DGKB: variants seen among roughly 807,000 people sequenced by gnomAD.
The protein encoded by DGKB is 90 kDa diacylglycerol kinase.
Under a neutral mutation model 114.3 loss-of-function variants are expected in DGKB, and 67 were observed. That is an observed-to-expected ratio of 0.59 (90% confidence interval 0.48 to 0.72). The LOEUF is 0.72. DGKB is among the 30% of genes least tolerant of loss of function. The pLI is 0.00. For missense variants in DGKB, 907 were observed against 975.2 expected, an observed-to-expected ratio of 0.93 and a Z score of 0.93; for synonymous variants, 398 against 323.1, an observed-to-expected ratio of 1.23 and a Z score of -2.49.
intron 23 of DGKB, among the ~76,000 whole-genome samples, chr7:14,228,882 T>C (rs1791258712): frequency 1.5e-5 from 1 of 67,718 alleles, no homozygotes; most frequent in Non-Finnish European, 2.4e-5. Context: ...TCAGTTTTTT[T>C]TCTGTGTGTG....
At chr7:14,519,855 G>C (rs986182640) in intron 20 of DGKB, among the ~76,000 whole-genome samples, 1 of 151,688 alleles carries the variant, frequency 6.6e-6, no homozygotes, top group Non-Finnish European at 1.5e-5. Flanking sequence ...AAAATCTTTT[G>C]TGAAATGTCT....
At chr7:14,947,881 A>C (rs1785969227) in intron 1 of DGKB, among the ~76,000 whole-genome samples, 1 of 151,636 alleles carries the variant, frequency 6.6e-6, no homozygotes, top group Non-Finnish European at 1.5e-5. Context: ...ATTCTTTCCA[A>C]TTAATTGACT....
At chr7:14,747,775 G>GCGCGCGCGCGCACACACACACACACACA in intron 4 of DGKB, among the ~76,000 whole-genome samples, 140 of 149,278 alleles carry the variant, frequency 9.4e-4, no homozygotes, top group African/African-American at 3.0e-3. Context: ...ACATCCACGC[G>GCGCGCGCGCGCACACACACACACACACA]CACGCACACA....
intron 2 of DGKB, among the ~76,000 whole-genome samples, chr7:14,797,362 C>T (rs1040517072): frequency 1.3e-5 from 2 of 152,108 alleles, no homozygotes; most frequent in African/African-American, 4.8e-5. Flanking sequence ...TCCCAAAGGA[C>T]CTATGGCATT....
chr7:14,536,578 C>G (rs1021501466), intron 20 of DGKB, among the ~76,000 whole-genome samples: 1 of 152,104 alleles, frequency 6.6e-6, no homozygotes, highest in Admixed American at 6.6e-5. Context: ...AAAACAATCT[C>G]AAAAGATGTT....
Position 14,621,479 on chromosome 7 carries a change from C to T in DGKB, c.1183G>A (p.Val395Met). The T allele has an allele frequency of 6.2e-7, 1 of 1,603,978 alleles. No homozygotes were observed. Among genetic ancestry groups the T allele is most frequent in the Non-Finnish European group, 8.5e-7 (1 of 1,174,596 alleles). Residue 395 changes from valine to methionine, a missense_variant, in exon 15 of 26, where the codon GTG becomes ATG. This residue lies in a region of DGKB where 814 missense variants were observed against 856.6 expected (regional missense o/e 0.95). Transcript: ENST00000402815. The part of the protein sequence containing the change: ...VSVPEERQST[V>M]KKEKSGSQQP... ...TGGGAACCACTCTTTTCCTTTTTCA[C>T]TGTTGATTGTCTTTCCTGTAAAAAA...
At position 14,970,843 on chromosome 7, in the gene DGKB, C is replaced by T. The variant is rs145136699; in HGVS notation, c.-188+3853G>A. 5.1e-3 allele frequency among the ~76,000 whole-genome samples: 777 copies of T among 152,240 alleles called. 2 individuals carry two copies. Among genetic ancestry groups the T allele is most frequent in the Non-Finnish European group, 7.1e-3 (484 of 68,018 alleles). On this transcript the variant is annotated intron_variant, in intron 1 of 4. Coordinates refer to the DGKB transcript ENST00000437998. ...CCCCACACTCTTCCCCAGCCATAGA[C>T]ACCATTTCTGAACGGCAGGCTGGAG...
At chr7:14,744,992 T>A (rs1201795131) in intron 4 of DGKB, among the ~76,000 whole-genome samples, 1 of 152,158 alleles carries the variant, frequency 6.6e-6, no homozygotes, top group Non-Finnish European at 1.5e-5. Flanking sequence ...TCCTGACATC[T>A]GATAGGAGTA....
At chr7:14,878,629 G>A (rs1236828641) in intron 1 of DGKB, among the ~76,000 whole-genome samples, 2 of 151,264 alleles carry the variant, frequency 1.3e-5, no homozygotes, top group Non-Finnish European at 3.0e-5. Context: ...GGCGCCTGTA[G>A]TCCCAGCTAC....
intron 19 of DGKB, among the ~76,000 whole-genome samples, chr7:14,574,749 C>A (rs1389095163): frequency 6.6e-6 from 1 of 152,212 alleles, no homozygotes; most frequent in African/African-American, 2.4e-5. Flanking sequence ...CTCTACCCAG[C>A]TGCTAAAGTC....
At chr7:14,262,370 T>G (rs950108098) in intron 23 of DGKB, among the ~76,000 whole-genome samples, 2 of 152,132 alleles carry the variant, frequency 1.3e-5, no homozygotes, top group Admixed American at 6.6e-5. Flanking sequence ...AGAGATTAAT[T>G]TTTTTATAAG....
intron 6 of DGKB, among the ~76,000 whole-genome samples, chr7:14,703,251 G>C (rs1263345171): frequency 6.6e-6 from 1 of 152,120 alleles, no homozygotes; most frequent in Admixed American, 6.5e-5. Flanking sequence ...CAGATTGAGG[G>C]ACATTTATAA....
At chr7:14,260,499 T>A (rs112778665) in intron 23 of DGKB, among the ~76,000 whole-genome samples, 12 of 152,330 alleles carry the variant, frequency 7.9e-5, no homozygotes, top group Admixed American at 3.3e-4. Context: ...ATAAGGCTGT[T>A]GTTCTCATGA....
intron 1 of DGKB, among the ~76,000 whole-genome samples, chr7:14,937,796 G>C (rs1785353998): frequency 1.3e-5 from 2 of 151,938 alleles, no homozygotes; most frequent in African/African-American, 2.4e-5. Context: ...TTCCTCTTCA[G>C]CCTACTCATT....
At chr7:14,443,019 T>C (rs1439440322) in intron 21 of DGKB, among the ~76,000 whole-genome samples, 1 of 152,176 alleles carries the variant, frequency 6.6e-6, no homozygotes, top group South Asian at 2.1e-4. Context: ...CTTACATAAA[T>C]TTTATAAATC....
intron 21 of DGKB, among the ~76,000 whole-genome samples, chr7:14,399,485 C>T (rs905437094): frequency 6.6e-6 from 1 of 151,498 alleles, no homozygotes; most frequent in Admixed American, 6.6e-5. Context: ...ACAATACTTA[C>T]AAAGCCATTC....
At chr7:14,431,015 TG>T (rs1828372934) in intron 21 of DGKB, among the ~76,000 whole-genome samples, 1 of 152,176 alleles carries the variant, frequency 6.6e-6, no homozygotes, top group Non-Finnish European at 1.5e-5. Flanking sequence ...CCTGTTTTCT[TG>T]CCTTCTTGTT....
chr7:14,965,487 A>G (rs1787096255), intron 1 of DGKB, among the ~76,000 whole-genome samples: 1 of 152,110 alleles, frequency 6.6e-6, no homozygotes, highest in African/African-American at 2.4e-5. Context: ...AGCATCATTT[A>G]TAGCATGGTT....
intron 19 of DGKB, among the ~76,000 whole-genome samples, chr7:14,578,041 G>A (rs151190508): frequency 6.6e-6 from 1 of 152,278 alleles, no homozygotes; most frequent in African/African-American, 2.4e-5. Context: ...GACCTGGTGG[G>A]AGGTGATTAG....
Sources: gnomAD v4.1 joint callset for allele counts (sites outside exome capture counted in the v4.1 genomes callset) on GRCh38, gnomAD v4.1.1 for gene constraint, gnomAD v4.1.1 regional missense constraint, MANE v1.5 for transcripts, NCBI Gene and HGNC (gene_info 2026-07-23, HGNC 2026-07-21) for gene names.